Variants in BCAR3 observed in about 807,000 individuals in gnomAD.
The protein encoded by BCAR3 is breast cancer anti-estrogen resistance protein 3.
A neutral mutation model predicts 80.1 loss-of-function variants in BCAR3; 37 were observed. That is an observed-to-expected ratio of 0.46 (90% CI 0.36 to 0.61). The LOEUF (loss-of-function observed/expected upper bound fraction) is 0.61. Ranked by LOEUF, BCAR3 falls within the 20% of genes least tolerant of loss-of-function variation. The pLI is 0.00. For synonymous variants in BCAR3, 389 were observed against 418.9 expected (o/e 0.93, Z 0.87); for missense variants, 978 against 1,068.2 (o/e 0.92, Z 1.18).
At chr1:93,763,184 CT>C (rs1652014815) in intron 2 of BCAR3, among the ~76,000 whole-genome samples, 1 of 152,170 alleles carries the variant, frequency 6.6e-6, no homozygotes. Context: ...CCACCTCAGC[CT>C]CCAGAGTAGC....
At chr1:93,652,254 C>T (rs1676348729) in intron 2 of BCAR3, among the ~76,000 whole-genome samples, 1 of 152,166 alleles carries the variant, frequency 6.6e-6, no homozygotes, top group African/African-American at 2.4e-5. Flanking sequence ...TTATTCTCCT[C>T]ACCCTTTTTA....
At chr1:93,635,613 C>A (rs1450963049) in intron 3 of BCAR3, among the ~76,000 whole-genome samples, 1 of 152,194 alleles carries the variant, frequency 6.6e-6, no homozygotes, top group African/African-American at 2.4e-5. Flanking sequence ...TCCCTTTCGT[C>A]CCTCTGCATG....
intron 2 of BCAR3, among the ~76,000 whole-genome samples, chr1:93,749,736 G>A (rs1651486146): frequency 6.6e-6 from 1 of 152,050 alleles, no homozygotes; most frequent in African/African-American, 2.4e-5. Context: ...TAGACTTAAA[G>A]TATAAATGTT....
At chr1:93,756,331 C>A (rs1651748505) in intron 2 of BCAR3, among the ~76,000 whole-genome samples, 1 of 152,274 alleles carries the variant, frequency 6.6e-6, no homozygotes. Context: ...CCTTCCCAAG[C>A]CATTCTATCT....
At chr1:93,654,370 C>T (rs527428934) in intron 2 of BCAR3, among the ~76,000 whole-genome samples, 1 of 152,208 alleles carries the variant, frequency 6.6e-6, no homozygotes, top group South Asian at 2.1e-4. Context: ...AAGTGGTCTC[C>T]AGGAGATGGG....
chr1:93,838,159 G>C (rs1243740235), intron 2 of BCAR3, among the ~76,000 whole-genome samples: 1 of 152,216 alleles, frequency 6.6e-6, no homozygotes, highest in Non-Finnish European at 1.5e-5. Context: ...ACTGGAGACT[G>C]GGTAATTCAT....
intron 2 of BCAR3, among the ~76,000 whole-genome samples, chr1:93,747,718 T>C (rs1651407499): frequency 6.6e-6 from 1 of 151,678 alleles, no homozygotes; most frequent in South Asian, 2.1e-4. Flanking sequence ...CTTTGCTCTT[T>C]AGAATCTTTC....
chr1:93,656,295 T>C (rs1353641264), intron 2 of BCAR3, among the ~76,000 whole-genome samples: 3 of 152,160 alleles, frequency 2.0e-5, no homozygotes, highest in Admixed American at 6.5e-5. Context: ...TTAAATGTAC[T>C]TGGGGCTTTT....
intron 2 of BCAR3, among the ~76,000 whole-genome samples, chr1:93,665,720 A>C (rs1647876409): frequency 6.6e-6 from 1 of 152,130 alleles, no homozygotes; most frequent in Admixed American, 6.5e-5. Flanking sequence ...ACCTCCACTT[A>C]GACATGCATG....
At chr1:93,585,313 C>T (rs1054832408) in intron 5 of BCAR3, among the ~76,000 whole-genome samples, 4 of 152,250 alleles carry the variant, frequency 2.6e-5, no homozygotes, top group African/African-American at 9.6e-5. Flanking sequence ...CATGAGCCAT[C>T]TTTTCCCCTC....
chr1:93,563,520 T>G lies in BCAR3; in HGVS notation c.2300-1101A>C, dbSNP rs189816567. Among the ~76,000 whole-genome samples, 251 of 152,308 alleles carry G rather than the reference T, an allele frequency of 1.6e-3. 1 individual carries two copies. The highest frequency in any genetic ancestry group is 5.8e-3 in the African/African-American group (239 of 41,562). ...CTTGTGTACAAATCTTGTGTGGACA[T>G]GTGTTTTCATTTCTCTAGGAAAGGA... On this transcript the variant is annotated intron_variant, in intron 11 of 11. Transcript: ENST00000260502.
intron 2 of BCAR3, among the ~76,000 whole-genome samples, chr1:93,741,146 G>A (rs1262046722): frequency 6.6e-6 from 1 of 152,214 alleles, no homozygotes; most frequent in African/African-American, 2.4e-5. Context: ...GCACTTGAAG[G>A]AAGTTGTAAC....
intron 2 of BCAR3, among the ~76,000 whole-genome samples, chr1:93,743,810 C>T (rs1467429842): frequency 3.3e-5 from 5 of 152,182 alleles, no homozygotes; most frequent in African/African-American, 1.2e-4. Flanking sequence ...GTATAAAGAT[C>T]ATAGATTGGT....
At position 93,612,701 on chromosome 1, in the gene BCAR3, C is replaced by G. The variant is rs775838884; in HGVS notation, c.358-20308G>C. Among the ~76,000 whole-genome samples, 59 of 152,130 alleles carry G rather than the reference C, an allele frequency of 3.9e-4. 1 individual carries two copies. The highest frequency in any genetic ancestry group is 3.7e-3 in the Admixed American group (56 of 15,270). On this transcript the variant is annotated intron_variant, in intron 3 of 11. Transcript: ENST00000260502. Reference sequence around the variant, plus strand: ...TGACTTCATCTGCCCCACACTTGAACGATCCATATTTAGGCCAGAAACCAC... The same window carrying G: ...TGACTTCATCTGCCCCACACTTGAAGGATCCATATTTAGGCCAGAAACCAC...
At chr1:93,670,336 C>T (rs1247241819) in intron 2 of BCAR3, among the ~76,000 whole-genome samples, 2 of 152,158 alleles carry the variant, frequency 1.3e-5, no homozygotes, top group African/African-American at 4.8e-5. Flanking sequence ...AACAACAAAG[C>T]CAAGAGATAC....
intron 3 of BCAR3, among the ~76,000 whole-genome samples, chr1:93,611,718 A>G (rs916871026): frequency 6.6e-5 from 10 of 152,210 alleles, no homozygotes; most frequent in Admixed American, 6.5e-5. Context: ...CGCTGCAAAT[A>G]AGATCTTACT....
At chr1:93,845,502 A>ATATCTATATCTCATCATGTTGTCAAG in intron 2 of BCAR3, 1 of 113,822 alleles carries the variant, frequency 8.8e-6, no homozygotes, top group Non-Finnish European at 1.8e-5. Context: ...ATATATATAT[A>ATATCTATATCTCATCATGTTGTCAAG]AAACTTTGTT....
At chr1:93,658,480 C>G (rs1279823572) in intron 2 of BCAR3, among the ~76,000 whole-genome samples, 1 of 150,666 alleles carries the variant, frequency 6.6e-6, no homozygotes, top group Non-Finnish European at 1.5e-5. Flanking sequence ...GACCCCGTCT[C>G]TACAAAAAAA....
intron 2 of BCAR3, among the ~76,000 whole-genome samples, chr1:93,739,119 C>T (rs1463645359): frequency 1.3e-5 from 2 of 152,196 alleles, no homozygotes; most frequent in Non-Finnish European, 2.9e-5. Context: ...GTTCTGCTCC[C>T]TGGGTTTCAA....
Sources: gnomAD v4.1 joint callset for allele counts (sites outside exome capture counted in the v4.1 genomes callset) on GRCh38, gnomAD v4.1.1 for gene constraint, MANE v1.5 for transcripts, NCBI Gene and HGNC (gene_info 2026-07-23, HGNC 2026-07-21) for gene names.